Variants in CAMK4 observed in about 807,000 individuals in gnomAD.
CAMK4 encodes the protein calcium/calmodulin-dependent protein kinase type IV.
A neutral mutation model predicts 44.9 loss-of-function variants in CAMK4; 22 were observed. That is an observed-to-expected ratio of 0.49 (90% CI 0.35 to 0.70). The LOEUF (loss-of-function observed/expected upper bound fraction) is 0.70. CAMK4 is among the 30% of genes least tolerant of loss of function. The probability of loss-of-function intolerance (pLI) is 0.01; values close to 1 mark genes in which losing one functional copy is unlikely to be tolerated. For missense variants in CAMK4, 498 were observed against 586.8 expected, an observed-to-expected ratio of 0.85 and a Z score of 1.56; for synonymous variants, 218 against 215.4, an observed-to-expected ratio of 1.01 and a Z score of -0.11.
chr5:111,482,695 A>T lies in CAMK4; in HGVS notation c.829-90A>T, dbSNP rs1399842010. ...CATATATTTAGTGGTACTGCTGGGA[A>T]ATGGAATAAGATCTGGAAGTTTGTA... On this transcript the variant is annotated intron_variant, in intron 9 of 10. Transcript: ENST00000282356. The surrounding 1 kb of genome is among the most constrained non-coding windows in gnomAD (Gnocchi z 4.9). 3 of 1,091,842 alleles carry T rather than the reference A, an allele frequency of 2.7e-6. No individual in the cohort carries two copies. The highest frequency in any genetic ancestry group is 1.6e-5 in the African/African-American group (1 of 62,578). The allele number at this position is 1,091,842 out of a possible 1,614,324, so 67.6% of individuals were successfully genotyped here.
intron 1 of CAMK4, among the ~76,000 whole-genome samples, chr5:111,315,538 A>G (rs1748383248): frequency 6.6e-6 from 1 of 152,206 alleles, no homozygotes; most frequent in Non-Finnish European, 1.5e-5. Context: ...AGGACCTTTC[A>G]CATAAAATAT....
chr5:111,328,798 T>A (rs971401510), intron 1 of CAMK4, among the ~76,000 whole-genome samples: 13 of 152,088 alleles, frequency 8.5e-5, no homozygotes, highest in African/African-American at 1.7e-4. Context: ...TCACTCATGA[T>A]TTGGCTCTCT....
chr5:111,239,081 ACTTGGCG>A (rs1748874386), intron 1 of CAMK4, among the ~76,000 whole-genome samples: 6 of 151,740 alleles, frequency 4.0e-5, no homozygotes, highest in Admixed American at 3.9e-4. Flanking sequence ...AAAAAATAAA[ACTTGGCG>A]CATCTTGAGT....
At chr5:111,342,297 C>T (rs145029509) in intron 1 of CAMK4, among the ~76,000 whole-genome samples, 174 of 151,232 alleles carry the variant, frequency 1.2e-3, no homozygotes, top group African/African-American at 4.1e-3. Context: ...ATTTTGAAAC[C>T]CTGTTGTTAG....
intron 1 of CAMK4, among the ~76,000 whole-genome samples, chr5:111,312,705 A>G (rs768064588): frequency 4.6e-5 from 7 of 152,170 alleles, no homozygotes; most frequent in Non-Finnish European, 1.0e-4. Context: ...GTCTTGTGGA[A>G]CCATCCAAGA....
chr5:111,484,076 C>T lies in CAMK4; in HGVS notation c.1032C>T (p.Ser344=). 6.2e-7 allele frequency: 1 copy of T among 1,609,864 alleles called. No individual in the cohort carries two copies. ...VASSRLGSAS[S]SHGSIQESHK... is the part of the protein sequence containing the mutation. ...CTTCGCGCCTGGGAAGTGCCAGCAGCAGCCATGGCAGCATCCAGGAGAGCC... is the reference window on the plus strand; with the variant it reads ...CTTCGCGCCTGGGAAGTGCCAGCAGTAGCCATGGCAGCATCCAGGAGAGCC... The change falls in exon 11 of 11, where the codon AGC becomes AGT. Residue 344 remains serine (S), a synonymous_variant. Coordinates refer to ENST00000282356, the MANE Select transcript of CAMK4 (RefSeq NM_001744.6). This position sits in a 1 kb window ranked among gnomAD's most constrained non-coding sequence, Gnocchi z 5.3.
chr5:111,463,902 A>T (rs1057248575), intron 7 of CAMK4, among the ~76,000 whole-genome samples: 7 of 152,094 alleles, frequency 4.6e-5, no homozygotes, highest in African/African-American at 1.7e-4. Context: ...AAGGAACCAG[A>T]AAAACAATTC....
rs555398699 is a variant in CAMK4, at chr5:111,324,362, T to G, written c.162-19662T>G. Among the ~76,000 whole-genome samples the G allele has an allele frequency of 1.0e-3, 156 of 152,094 alleles. 1 individual carries two copies. The highest frequency in any genetic ancestry group is 3.5e-3 in the African/African-American group (144 of 41,548). On this transcript the variant is annotated intron_variant, in intron 1 of 10. Transcript: ENST00000282356. ...AAATAAAAGGATATAAAAAGAAATA[T>G]TCAAATTCTAAATATAAGAAAGTTG... is the stretch of plus-strand genomic sequence containing the variant.
chr5:111,483,486 C>G (rs1324917199), intron 10 of CAMK4, among the ~76,000 whole-genome samples: 1 of 152,120 alleles, frequency 6.6e-6, no homozygotes, highest in East Asian at 1.9e-4. Context: ...TAGAGGATCT[C>G]AGAGAGCAGC....
In CAMK4 at chr5:111,335,712, A is replaced by T. The variant is rs956214710; in HGVS notation, c.162-8312A>T. On this transcript the variant is annotated intron_variant, in intron 1 of 10. Coordinates refer to ENST00000282356, the MANE Select transcript of CAMK4 (RefSeq NM_001744.6). ...TATTATATCTGGAGCCTTCCCCTCC[A>T]TCCATAAGTTTGGCATGCAGTGCCA... Among the ~76,000 whole-genome samples, 4 of 151,394 alleles carry T rather than the reference A, an allele frequency of 2.6e-5. 1 individual carries two copies. Among genetic ancestry groups the T allele is most frequent in the Admixed American group, 2.6e-4 (4 of 15,144 alleles).
intron 1 of CAMK4, among the ~76,000 whole-genome samples, chr5:111,253,476 A>G (rs925828891): frequency 1.3e-5 from 2 of 152,086 alleles, no homozygotes; most frequent in African/African-American, 4.8e-5. Context: ...CACCTGGGGA[A>G]CTCCAATACT....
chr5:111,249,503 A>G (rs1749383525), intron 1 of CAMK4, among the ~76,000 whole-genome samples: 1 of 150,992 alleles, frequency 6.6e-6, no homozygotes, highest in Non-Finnish European at 1.5e-5. Context: ...ATAATAAATT[A>G]TTTTTGAGTA....
chr5:111,224,388 C>T lies in CAMK4; in HGVS notation c.-96C>T, dbSNP rs1341643535. 9 of 1,439,134 alleles carry T rather than the reference C, an allele frequency of 6.3e-6. No individual in the cohort carries two copies. Among genetic ancestry groups the T allele is most frequent in the Middle Eastern group, 2.5e-4 (1 of 3,976 alleles). 89.1% of individuals were successfully genotyped at this position (1,439,134 alleles called of 1,614,324 possible). A position where few individuals can be genotyped will look rare whatever the true frequency, so the allele number is the denominator to read the frequency against. On this transcript the variant is annotated 5_prime_UTR_variant, in exon 1 of 11. Coordinates refer to ENST00000282356, the MANE Select transcript of CAMK4 (RefSeq NM_001744.6). This position sits in a 1 kb window ranked among gnomAD's most constrained non-coding sequence, Gnocchi z 5.7. ...CGCGCGTGAAGGACGCCGCCTCTCT[C>T]TCGCTCCTGCGTTCGCAGGCGGCGG...
intron 2 of CAMK4, 129 bp downstream of exon 2, chr5:111,344,231 G>A (rs537205713): frequency 1.5e-5 from 8 of 541,944 alleles, no homozygotes; most frequent in East Asian, 3.1e-5. Context: ...TCTTGATTAC[G>A]GGAGTGCAAC....
intron 1 of CAMK4, among the ~76,000 whole-genome samples, chr5:111,324,318 A>G (rs1256252267): frequency 6.6e-6 from 1 of 152,018 alleles, no homozygotes; most frequent in Non-Finnish European, 1.5e-5. Context: ...CACTTTAAAT[A>G]TAAAGACAAA....
rs568927666 is a variant in CAMK4 at position 111,358,522 on chromosome 5, C to A, written c.240+14420C>A. Among the ~76,000 whole-genome samples the A allele has an allele frequency of 1.7e-3, 251 of 151,152 alleles. 1 individual carries two copies. The highest frequency in any genetic ancestry group is 5.6e-3 in the African/African-American group (230 of 41,180). ...AACACATTAGATGGATGTTTTTCCCCGACACAACCTACCAATCTGTCACTG... is the reference window on the plus strand; with the variant it reads ...AACACATTAGATGGATGTTTTTCCCAGACACAACCTACCAATCTGTCACTG... On this transcript the variant is annotated intron_variant, in intron 2 of 10. Coordinates refer to ENST00000282356, the MANE Select transcript of CAMK4 (RefSeq NM_001744.6).
chr5:111,326,295 G>A (rs1748884749), intron 1 of CAMK4, among the ~76,000 whole-genome samples: 1 of 151,816 alleles, frequency 6.6e-6, no homozygotes, highest in South Asian at 2.1e-4. Flanking sequence ...TATAGATATT[G>A]AAAAGATATT....
chr5:111,357,959 T>C (rs2112789801), intron 2 of CAMK4: 1 of 152,186 alleles, frequency 6.6e-6, no homozygotes, highest in East Asian at 1.9e-4. Flanking sequence ...TGGGCATTTT[T>C]TATAGATGCC....
chr5:111,443,681 A>G (rs999369844), intron 5 of CAMK4, among the ~76,000 whole-genome samples: 2 of 152,094 alleles, frequency 1.3e-5, no homozygotes, highest in African/African-American at 4.8e-5. Context: ...CCAGAACAAC[A>G]TTTAGTGAGG....
Sources: gnomAD v4.1 joint callset for allele counts (sites outside exome capture counted in the v4.1 genomes callset) on GRCh38, gnomAD v4.1.1 for gene constraint, Gnocchi (gnomAD v3.1) non-coding constraint, MANE v1.5 for transcripts, NCBI Gene and HGNC (gene_info 2026-07-23, HGNC 2026-07-21) for gene names.